PRKN: variants seen among roughly 807,000 people sequenced by gnomAD.
PRKN encodes parkin RBR E3 ubiquitin protein ligase.
A neutral mutation model predicts 59.5 loss-of-function variants in PRKN; 56 were observed. The observed-to-expected ratio is 0.94, with a 90% CI of 0.76 to 1.18. PRKN has a LOEUF of 1.18. Among genes scored for constraint, PRKN ranks in the 50% most tolerant of loss-of-function variants. PRKN has a pLI of 0.00. For synonymous variants in PRKN, 250 were observed against 222.1 expected, an observed-to-expected ratio of 1.13 and a Z score of -1.12; for missense variants, 657 against 596.4, an observed-to-expected ratio of 1.10 and a Z score of -1.06.
chr6:162,125,520 G>C (rs563610300), intron 4 of PRKN, among the ~76,000 whole-genome samples: 95 of 152,258 alleles, frequency 6.2e-4, no homozygotes, highest in Admixed American at 6.1e-3. Flanking sequence ...GAATTCTAGG[G>C]AGGATTAGAA....
chr6:161,536,837 A>G (rs1327352145), intron 9 of PRKN, among the ~76,000 whole-genome samples: 2 of 152,200 alleles, frequency 1.3e-5, no homozygotes, highest in African/African-American at 4.8e-5. Context: ...TGGTTTCTTT[A>G]GACCAAGAAA....
intron 6 of PRKN, among the ~76,000 whole-genome samples, chr6:161,912,427 G>A (rs1778398877): frequency 6.9e-6 from 1 of 144,060 alleles, no homozygotes. Flanking sequence ...CCCCACCCTC[G>A]TGAATCTGAG....
chr6:162,316,573 T>C (rs2128119929), intron 2 of PRKN, among the ~76,000 whole-genome samples: 1 of 152,254 alleles, frequency 6.6e-6, no homozygotes, highest in South Asian at 2.1e-4. Flanking sequence ...AGCCAAAAAT[T>C]TTAAATAAAC....
intron 9 of PRKN, among the ~76,000 whole-genome samples, chr6:161,493,651 G>A (rs893363468): frequency 6.6e-6 from 1 of 152,220 alleles, no homozygotes; most frequent in African/African-American, 2.4e-5. Flanking sequence ...AGAAAGGGCC[G>A]ATGAGGGAGG....
chr6:162,202,369 T>C (rs1784766808), intron 3 of PRKN, among the ~76,000 whole-genome samples: 1 of 152,198 alleles, frequency 6.6e-6, no homozygotes, highest in Non-Finnish European at 1.5e-5. Flanking sequence ...GATTATCATT[T>C]GTTTAGCTAT....
At chr6:162,062,164 C>T (rs951451823) in intron 4 of PRKN, among the ~76,000 whole-genome samples, 2 of 152,178 alleles carry the variant, frequency 1.3e-5, no homozygotes, top group Non-Finnish European at 1.5e-5. Flanking sequence ...AGGGCACCCA[C>T]ATATCTATGA....
At chr6:161,404,967 G>A (rs1360650605) in intron 9 of PRKN, among the ~76,000 whole-genome samples, 1 of 152,312 alleles carries the variant, frequency 6.6e-6, no homozygotes, top group African/African-American at 2.4e-5. Context: ...CATAAAAAGG[G>A]GGACTAATTC....
intron 2 of PRKN, among the ~76,000 whole-genome samples, chr6:162,296,316 C>A (rs1055242154): frequency 6.6e-6 from 1 of 150,992 alleles, no homozygotes; most frequent in African/African-American, 2.4e-5. Context: ...CAAGCCCACA[C>A]TCTCCAGGAA....
Position 161,948,566 on chromosome 6 carries a change from A to G in PRKN, c.734+24736T>C, listed in dbSNP as rs78825069. On this transcript the variant is annotated intron_variant, in intron 6 of 11. Transcript: ENST00000366898. The stretch of plus-strand genomic sequence containing the variant: ...TAAAGAAGGAGGTGAGAGTTGTCAC[A>G]GGCTGCAAGAATCAGGACAAGGAAC... 3.2e-4 allele frequency among the ~76,000 whole-genome samples: 48 copies of G among 152,300 alleles called. No homozygotes were observed. In the East Asian group the frequency reaches 8.7e-3, roughly 28 times the overall value.
rs943872971 is a variant in PRKN, at chr6:161,462,087, T to C, written c.1084-75210A>G. Reference sequence around the variant, plus strand: ...TAGCAGGGGAGGGAACAGTCAACAGTGCCAAATGCCGCCACCTGCAATGAG... The same window carrying C: ...TAGCAGGGGAGGGAACAGTCAACAGCGCCAAATGCCGCCACCTGCAATGAG... On this transcript the variant is annotated intron_variant, in intron 9 of 11. Coordinates refer to ENST00000366898, the MANE Select transcript of PRKN (RefSeq NM_004562.3). This position sits in a 1 kb window ranked among gnomAD's most constrained non-coding sequence, Gnocchi z 4.5. Among the ~76,000 whole-genome samples the C allele has an allele frequency of 1.3e-5, 2 of 152,154 alleles. No individual in the cohort carries two copies. The highest frequency in any genetic ancestry group is 4.8e-5 in the African/African-American group (2 of 41,438).
intron 7 of PRKN, among the ~76,000 whole-genome samples, chr6:161,693,037 A>G (rs1343016513): frequency 6.6e-6 from 1 of 152,028 alleles, no homozygotes; most frequent in Non-Finnish European, 1.5e-5. Flanking sequence ...TGGGTTCTTG[A>G]TTTTAAACAC....
chr6:162,667,314 A>C (rs1779139091), intron 1 of PRKN, among the ~76,000 whole-genome samples: 1 of 152,090 alleles, frequency 6.6e-6, no homozygotes, highest in South Asian at 2.1e-4. Flanking sequence ...TACAATTTTA[A>C]ACGGGTTAAT....
At chr6:162,678,642 T>C (rs986211061) in intron 1 of PRKN, among the ~76,000 whole-genome samples, 7 of 152,308 alleles carry the variant, frequency 4.6e-5, no homozygotes, top group Admixed American at 3.3e-4. Flanking sequence ...TTTTATTGGG[T>C]TGTTTTAGTA....
chr6:161,819,614 T>C (rs914285157), intron 6 of PRKN, among the ~76,000 whole-genome samples: 2 of 152,216 alleles, frequency 1.3e-5, no homozygotes, highest in African/African-American at 4.8e-5. Context: ...CCAAATTAAA[T>C]AAATTTTATA....
chr6:161,533,741 C>T lies in PRKN; in HGVS notation c.1083+15113G>A, dbSNP rs879771888. Among the ~76,000 whole-genome samples, 7 of 152,088 alleles carry T rather than the reference C, an allele frequency of 4.6e-5. No homozygotes were observed. The highest frequency in any genetic ancestry group is 9.7e-5 in the African/African-American group (4 of 41,402). On this transcript the variant is annotated intron_variant, in intron 9 of 11. Transcript: ENST00000366898. This position sits in a 1 kb window ranked among gnomAD's most constrained non-coding sequence, Gnocchi z 4.1. ...AGACATCTCTCTCTCTTGCAAGGAG[C>T]TGCCCTCCTCTCTCCTTTCTTCCGC...
intron 7 of PRKN, among the ~76,000 whole-genome samples, chr6:161,570,176 TAC>T (rs1005666539): frequency 1.7e-5 from 2 of 118,880 alleles, no homozygotes; most frequent in Non-Finnish European, 3.5e-5. Context: ...TATGCACACA[TAC>T]ACACACAATT....
At chr6:162,669,801 C>A (rs2128229981) in intron 1 of PRKN, among the ~76,000 whole-genome samples, 1 of 152,254 alleles carries the variant, frequency 6.6e-6, no homozygotes, top group African/African-American at 2.4e-5. Flanking sequence ...ATTCCATAAT[C>A]TCTTACAAAT....
intron 4 of PRKN, among the ~76,000 whole-genome samples, chr6:162,130,911 A>T (rs994096347): frequency 6.6e-6 from 1 of 152,218 alleles, no homozygotes; most frequent in Non-Finnish European, 1.5e-5. Flanking sequence ...CACCAAATAG[A>T]TGATATAATG....
At chr6:162,317,648 A>G (rs781600471) in intron 2 of PRKN, among the ~76,000 whole-genome samples, 1 of 152,062 alleles carries the variant, frequency 6.6e-6, no homozygotes, top group Non-Finnish European at 1.5e-5. Context: ...CTCTACAAAG[A>G]GCACAATCAC....
Sources: allele counts gnomAD v4.1 joint callset (sites outside exome capture counted in the v4.1 genomes callset), GRCh38; gene constraint gnomAD v4.1.1; non-coding constraint Gnocchi (gnomAD v3.1); transcripts MANE v1.5; gene names NCBI Gene and HGNC (gene_info 2026-07-23, HGNC 2026-07-21).